The following NDUFAF6 variants were observed in gnomAD, a reference collection of about 807,000 sequenced individuals.
NDUFAF6 encodes NADH:ubiquinone oxidoreductase complex assembly factor 6, also known as NADH dehydrogenase (ubiquinone) complex I, assembly factor 6.
NDUFAF6 carries 45 observed loss-of-function variants against 40.8 expected under a neutral mutation model. The observed-to-expected ratio is 1.10, with a 90% CI of 0.87 to 1.42. NDUFAF6 has a LOEUF of 1.42. Among genes scored for constraint, NDUFAF6 ranks in the 40% most tolerant of loss-of-function variants. The pLI is 0.00. For synonymous variants in NDUFAF6, 185 were observed against 155.9 expected (o/e 1.19, Z -1.39); for missense variants, 435 against 418.5 (o/e 1.04, Z -0.34).
chr8:95,099,629 T>G (rs1809589300), upstream of NDUFAF6, among the ~76,000 whole-genome samples: 1 of 152,086 alleles, frequency 6.6e-6, no homozygotes, highest in South Asian at 2.1e-4. Context: ...AAAGGATTCC[T>G]AGTGTTTCGC....
intron 9 of NDUFAF6, among the ~76,000 whole-genome samples, chr8:95,066,443 C>CT (rs969749662): frequency 6.6e-6 from 1 of 151,560 alleles, no homozygotes; most frequent in African/African-American, 2.4e-5. Context: ...AAGGAAATCA[C>CT]TTTTAAAAAA....
intron 1 of NDUFAF6, among the ~76,000 whole-genome samples, chr8:94,919,636 AG>A (rs1274311297): frequency 2.6e-5 from 4 of 152,184 alleles, no homozygotes; most frequent in Non-Finnish European, 5.9e-5. Flanking sequence ...GGATGCTCCA[AG>A]CCCTCTAGAG....
rs546241778 is a variant in NDUFAF6, at chr8:95,058,436, T to C, written c.*499T>C. ...GGAATATCAGTCACGTGTTGTGGGC[T>C]TTTATCCTTAACGTTTAATTTTTAC... On this transcript the variant is annotated 3_prime_UTR_variant, in exon 9 of 9. Coordinates refer to ENST00000396124, the MANE Select transcript of NDUFAF6 (RefSeq NM_152416.4). 1.7e-4 allele frequency: 214 copies of C among 1,231,702 alleles called. 1 individual carries two copies. The Middle Eastern group carries it at 4.1e-3, about 23-fold the overall frequency. 76.3% of individuals were successfully genotyped at this position (1,231,702 alleles called of 1,614,324 possible).
Position 95,074,579 on chromosome 8 carries a change from A to T in NDUFAF6, c.*512-1054A>T, listed in dbSNP as rs142700621. Among the ~76,000 whole-genome samples the T allele has an allele frequency of 1.4e-3, 209 of 152,112 alleles. 1 individual carries two copies. Among genetic ancestry groups the T allele is most frequent in the Non-Finnish European group, 1.5e-3 (105 of 67,964 alleles). ...TTATGCACTACCTCCTAACTTCCCC[A>T]TTTCTATGAATAGCAGAGCATTTCC... On this transcript the variant is annotated intron_variant and NMD_transcript_variant, in intron 9 of 9. Transcript: ENST00000520757.
downstream of NDUFAF6, among the ~76,000 whole-genome samples, chr8:95,108,040 A>T (rs1267164160): frequency 6.6e-6 from 1 of 152,232 alleles, no homozygotes; most frequent in African/African-American, 2.4e-5. Flanking sequence ...ATAGAAAAAC[A>T]ACAACGACAA....
upstream of NDUFAF6, among the ~76,000 whole-genome samples, chr8:94,956,190 AT>A (rs1380862252): frequency 6.6e-6 from 1 of 152,218 alleles, no homozygotes; most frequent in Non-Finnish European, 1.5e-5. Context: ...GCATGTAAGC[AT>A]TTAATACAAT....
chr8:94,957,241 A>G (rs1289852688), upstream of NDUFAF6, among the ~76,000 whole-genome samples: 2 of 152,170 alleles, frequency 1.3e-5, no homozygotes, highest in Non-Finnish European at 2.9e-5. Flanking sequence ...TGCTTTTTAT[A>G]TCCAGGTGGA....
intron 2 of NDUFAF6, among the ~76,000 whole-genome samples, chr8:94,995,446 TTGAG>T (rs1474055098): frequency 2.0e-5 from 3 of 152,122 alleles, no homozygotes; most frequent in Non-Finnish European, 4.4e-5. Context: ...ATGGTTAGTG[TTGAG>T]TGTTTGTAAC....
At chr8:95,025,491 C>T (rs182993760) in intron 1 of NDUFAF6, among the ~76,000 whole-genome samples, 77 of 152,320 alleles carry the variant, frequency 5.1e-4, no homozygotes, top group African/African-American at 1.8e-3. Context: ...GCATGAATAA[C>T]CTTTGTTATT....
rs1830904742 is a variant in NDUFAF6 at position 95,047,441 on chromosome 8, T to C, written c.714+314T>C. 4.7e-5 allele frequency among the ~76,000 whole-genome samples: 7 copies of C among 148,260 alleles called. No homozygotes were observed. In the South Asian group the frequency reaches 1.2e-3, roughly 26 times the overall value. Reference sequence around the variant, plus strand: ...CTAGCGTTCACCTTAGCCTGTTCTTTATTTTATTTTATTGGAGTAAGTCAT... The same window carrying C: ...CTAGCGTTCACCTTAGCCTGTTCTTCATTTTATTTTATTGGAGTAAGTCAT... On this transcript the variant is annotated intron_variant, in intron 6 of 8. Transcript: ENST00000396124.
chr8:95,005,401 T>G (rs987803770), intron 2 of NDUFAF6, among the ~76,000 whole-genome samples: 13 of 151,838 alleles, frequency 8.6e-5, no homozygotes, highest in Non-Finnish European at 1.9e-4. Flanking sequence ...CAGCAGATTT[T>G]TTAATCTTCC....
chr8:94,946,875 G>A (rs1004556481), intron 2 of NDUFAF6, among the ~76,000 whole-genome samples: 1 of 152,002 alleles, frequency 6.6e-6, no homozygotes, highest in Non-Finnish European at 1.5e-5. Context: ...AGGATTAAGT[G>A]TATACTACTT....
Position 94,977,918 on chromosome 8 carries a change from C to T in NDUFAF6, c.-198-2941C>T, listed in dbSNP as rs117108113. ...ATAAAACATATCAGTGGTTTTCCTC[C>T]CCAGTCCCTGGCACAGAGCTCCTAA... On this transcript the variant is annotated intron_variant, in intron 1 of 9. Transcript: ENST00000396111. 2.6e-4 allele frequency among the ~76,000 whole-genome samples: 39 copies of T among 152,186 alleles called. No homozygotes were observed. The East Asian group carries it at 7.5e-3, about 29-fold the overall frequency.
intron 2 of NDUFAF6, among the ~76,000 whole-genome samples, chr8:95,016,242 A>G (rs1201667399): frequency 1.3e-5 from 2 of 152,234 alleles, no homozygotes; most frequent in African/African-American, 2.4e-5. Context: ...CATGTTGACA[A>G]TATGTCTTCA....
At chr8:94,969,451 A>G (rs1824280766) in intron 1 of NDUFAF6, among the ~76,000 whole-genome samples, 1 of 152,226 alleles carries the variant, frequency 6.6e-6, no homozygotes, top group African/African-American at 2.4e-5. Flanking sequence ...TTGCAAAGTC[A>G]TAAGGTCAGC....
intron 5 of NDUFAF6, chr8:95,116,136 T>TCAAAACAAAA (rs142390614): frequency 1.9e-5 from 3 of 158,998 alleles, no homozygotes; most frequent in Admixed American, 6.5e-5. Flanking sequence ...AAACTCCATC[T>TCAAAACAAAA]CAAAACAAAA....
At chr8:95,080,234 A>G (rs983307795), downstream of NDUFAF6, among the ~76,000 whole-genome samples, 1 of 142,788 alleles carries the variant, frequency 7.0e-6, no homozygotes, top group African/African-American at 2.6e-5. Flanking sequence ...TATTTTTTGT[A>G]GTGATTTTTT....
chr8:95,000,663 T>C (rs1353913093), intron 2 of NDUFAF6, among the ~76,000 whole-genome samples: 6 of 147,604 alleles, frequency 4.1e-5, no homozygotes, highest in Non-Finnish European at 8.9e-5. Context: ...TGGCTGGGCG[T>C]CGTGGCTTAC....
intron 1 of NDUFAF6, among the ~76,000 whole-genome samples, chr8:95,028,883 A>G (rs577537457): frequency 6.6e-6 from 1 of 152,328 alleles, no homozygotes; most frequent in East Asian, 1.9e-4. Flanking sequence ...AATGTCAACT[A>G]TAGAGCTGCT....
Sources: allele counts gnomAD v4.1 joint callset (sites outside exome capture counted in the v4.1 genomes callset), GRCh38; gene constraint gnomAD v4.1.1; transcripts MANE v1.5; gene names NCBI Gene and HGNC (gene_info 2026-07-23, HGNC 2026-07-21).